Variants in FERMT3 observed in about 807,000 individuals in gnomAD.
The protein encoded by FERMT3 is fermitin family homolog 3.
Under a neutral mutation model 80.8 loss-of-function variants are expected in FERMT3, and 33 were observed. The ratio of observed to expected loss-of-function variants is 0.41; its 90% CI spans 0.31 to 0.55. The LOEUF (loss-of-function observed/expected upper bound fraction) is 0.55, where lower values mean the gene tolerates loss of function less well. Among genes scored for constraint, FERMT3 ranks in the 20% least tolerant of loss-of-function variants. The probability of loss-of-function intolerance (pLI) is 0.31; values close to 1 mark genes in which losing one functional copy is unlikely to be tolerated. For missense variants in FERMT3, 754 were observed against 908.7 expected (o/e 0.83, Z 2.19); for synonymous variants, 375 against 372.2 (o/e 1.01, Z -0.09).
Position 64,211,689 on chromosome 11 carries a change from C to T in FERMT3, c.728C>T (p.Ala243Val), listed in dbSNP as rs1402606308. ...TGTCTCATGCAGCAGGGCATCAAGG[C>T]CGGGGACGCACTCTGGCTGCGCTTC... Reference protein sequence around the residue: ...SRCLMQQGIKAGDALWLRFKY... With the variant: ...SRCLMQQGIKVGDALWLRFKY... The change falls in exon 6 of 15, where the codon GCC becomes GTC. Residue 243 changes from alanine (A) to valine (V), a missense_variant. By Grantham distance (64) the Ala-to-Val change is moderately conservative. Coordinates refer to ENST00000345728, the MANE Select transcript of FERMT3 (RefSeq NM_031471.6). This position sits in a 1 kb window ranked among gnomAD's most constrained non-coding sequence, Gnocchi z 4.7. 1 of 1,614,168 alleles carries T rather than the reference C, an allele frequency of 6.2e-7. No individual in the cohort carries two copies. The highest frequency in any genetic ancestry group is 1.7e-5 in the Admixed American group (1 of 60,024).
rs1471060293 is a variant in FERMT3, at chr11:64,223,872, T to C, written c.*380T>C. The C allele has an allele frequency of 6.4e-7, 1 of 1,569,318 alleles. No individual in the cohort carries two copies. The highest frequency in any genetic ancestry group is 8.7e-7 in the Non-Finnish European group (1 of 1,155,510). ...TTAAAATTTCTTTTTTATAAATTAATATTTTATTGTTGGATCCTCCTCCTT... is the reference window on the plus strand; with the variant it reads ...TTAAAATTTCTTTTTTATAAATTAACATTTTATTGTTGGATCCTCCTCCTT... On this transcript the variant is annotated 3_prime_UTR_variant, in exon 15 of 15. Coordinates refer to ENST00000345728, the MANE Select transcript of FERMT3 (RefSeq NM_031471.6).
intron 6 of FERMT3, among the ~76,000 whole-genome samples, chr11:64,213,125 G>A (rs972319719): frequency 6.6e-6 from 1 of 151,110 alleles, no homozygotes; most frequent in Non-Finnish European, 1.5e-5. Flanking sequence ...GTGCAATCTC[G>A]GCTCACTGCA....
At chr11:64,213,723 T>A (rs973376621) in intron 6 of FERMT3, among the ~76,000 whole-genome samples, 3 of 149,742 alleles carry the variant, frequency 2.0e-5, no homozygotes, top group African/African-American at 7.4e-5. Context: ...CATGCCCAGC[T>A]AATTTTGTAT....
rs751695385 is a variant in FERMT3 at position 64,211,065 on chromosome 11, C to T, written c.408C>T (p.Pro136=). Residue 136 remains proline (P), a synonymous_variant, in exon 4 of 15, where the codon CCC becomes CCT. Transcript: ENST00000345728. The surrounding 1 kb of genome is among the most constrained non-coding windows in gnomAD (Gnocchi z 4.7). ...AICRLLSIRH[P]EELSLLRAPE... is the part of the protein sequence containing the mutation. ...AGCTCCCCTCAGGCATCCGGCACCC[C>T]GAGGAGCTGTCCCTGCTCCGGGCTC... is the stretch of plus-strand genomic sequence containing the variant. The T allele has an allele frequency of 7.5e-6, 12 of 1,595,296 alleles. No individual in the cohort carries two copies. In the Admixed American group the frequency reaches 8.7e-5, roughly 12 times the overall value.
rs1260568228 is a variant in FERMT3 at position 64,210,690 on chromosome 11, G to A, written c.240G>A (p.Leu80=). ...GGCTGCTGCAGACCCACTGGACACT[G>A]GACAAGTACGGGATCCTGGCCGACG... ...RQWLLQTHWT[L]DKYGILADAR... is the part of the protein sequence containing the mutation. Residue 80 remains leucine, a synonymous_variant, in exon 3 of 15, where the codon CTG becomes CTA. Transcript: ENST00000345728. This position sits in a 1 kb window ranked among gnomAD's most constrained non-coding sequence, Gnocchi z 4.3. 6.2e-7 allele frequency: 1 copy of A among 1,614,034 alleles called. No homozygotes were observed. Among genetic ancestry groups the A allele is most frequent in the Non-Finnish European group, 8.5e-7 (1 of 1,180,020 alleles).
chr11:64,209,986 C>T (rs185846643), intron 2 of FERMT3, among the ~76,000 whole-genome samples: 115 of 152,302 alleles, frequency 7.6e-4, no homozygotes, highest in African/African-American at 2.6e-3. Context: ...ACTCATGGAT[C>T]GTCATGTGCG....
chr11:64,221,239 G>A, intron 13 of FERMT3, 99 bp downstream of exon 13: 2 of 1,259,484 alleles, frequency 1.6e-6, no homozygotes, highest in East Asian at 4.7e-5. Flanking sequence ...TTCTGGACAG[G>A]CACCCCAAAG....
chr11:64,210,474 C>T lies in FERMT3; in HGVS notation c.161-137C>T. The T allele has an allele frequency of 1.2e-6, 1 of 859,946 alleles. No homozygotes were observed. Among genetic ancestry groups the T allele is most frequent in the Non-Finnish European group, 1.9e-6 (1 of 529,796 alleles). 53.3% of individuals were successfully genotyped at this position (859,946 alleles called of 1,614,324 possible). A position where few individuals can be genotyped will look rare whatever the true frequency, so the allele number is the denominator to read the frequency against. The stretch of plus-strand genomic sequence containing the variant: ...TGTTACCATGGGGTAGACCCCAGGC[C>T]CGCCCAGGCTGCCCCACTCTTGGCT... On this transcript the variant is annotated intron_variant, in intron 2 of 14. Transcript: ENST00000345728. This position sits in a 1 kb window ranked among gnomAD's most constrained non-coding sequence, Gnocchi z 4.3.
intron 12 of FERMT3, 134 bp downstream of exon 12, chr11:64,220,803 C>T (rs1223346650): frequency 7.2e-6 from 9 of 1,250,328 alleles, no homozygotes; most frequent in South Asian, 3.8e-5. Flanking sequence ...TGAGATTGTG[C>T]GGCTGGTACC....
chr11:64,221,947 A>G (rs1457399777), intron 13 of FERMT3, among the ~76,000 whole-genome samples: 2 of 148,140 alleles, frequency 1.4e-5, no homozygotes, highest in African/African-American at 2.5e-5. Flanking sequence ...AACAAAACAA[A>G]AAACAAATAG....
intron 6 of FERMT3, among the ~76,000 whole-genome samples, chr11:64,217,729 T>C (rs1845168406): frequency 6.6e-6 from 1 of 152,170 alleles, no homozygotes; most frequent in South Asian, 2.1e-4. Context: ...CCTGCTTTTT[T>C]TCTTGGACTT....
chr11:64,217,173 A>C (rs1298818062), intron 6 of FERMT3, among the ~76,000 whole-genome samples: 1 of 152,096 alleles, frequency 6.6e-6, no homozygotes, highest in Non-Finnish European at 1.5e-5. Flanking sequence ...TCAACTGGAG[A>C]TAGAAGGCTT....
Position 64,207,555 on chromosome 11 carries a change from G to A in FERMT3, c.160+31G>A, listed in dbSNP as rs560752986. On this transcript the variant is annotated intron_variant, in intron 2 of 14. Coordinates refer to ENST00000345728, the MANE Select transcript of FERMT3 (RefSeq NM_031471.6). ...TGTCCGCTGCCCGCTTGCTGAACTCGGCACCATGGGCGGCCGCCACGGGTG... is the reference window on the plus strand; with the variant it reads ...TGTCCGCTGCCCGCTTGCTGAACTCAGCACCATGGGCGGCCGCCACGGGTG... 1.2e-4 allele frequency: 194 copies of A among 1,578,034 alleles called. No homozygotes were observed. In the East Asian group the frequency reaches 3.3e-3, roughly 27 times the overall value.
rs564067251 is a variant in FERMT3, at chr11:64,223,860, T to C, written c.*368T>C. 4.6e-6 allele frequency: 7 copies of C among 1,522,090 alleles called. No individual in the cohort carries two copies. The African/African-American group carries it at 9.9e-5, about 22-fold the overall frequency. 94.3% of individuals were successfully genotyped at this position (1,522,090 alleles called of 1,614,324 possible). ...TCTTGTTACTTTTTAAAATTTCTTTTTTATAAATTAATATTTTATTGTTGG... is the reference window on the plus strand; with the variant it reads ...TCTTGTTACTTTTTAAAATTTCTTTCTTATAAATTAATATTTTATTGTTGG... On this transcript the variant is annotated 3_prime_UTR_variant, in exon 15 of 15. Transcript: ENST00000345728.
At chr11:64,217,830 C>T (rs951796536) in intron 6 of FERMT3, among the ~76,000 whole-genome samples, 6 of 152,154 alleles carry the variant, frequency 3.9e-5, no homozygotes, top group Non-Finnish European at 7.4e-5. Context: ...AAACTGGATG[C>T]CTCTGTTGAG....
Position 64,211,072 on chromosome 11 carries a change from C to T in FERMT3, c.415C>T (p.Leu139=). The T allele has an allele frequency of 6.3e-7, 1 of 1,592,884 alleles. No individual in the cohort carries two copies. Among genetic ancestry groups the T allele is most frequent in the Non-Finnish European group, 8.5e-7 (1 of 1,169,722 alleles). ...CTCAGGCATCCGGCACCCCGAGGAG[C>T]TGTCCCTGCTCCGGGCTCCTGAGAA... ...RLLSIRHPEE[L]SLLRAPEKKE... The change falls in exon 4 of 15, where the codon CTG becomes TTG. Residue 139 remains leucine, a synonymous_variant. Transcript: ENST00000345728. The surrounding 1 kb of genome is among the most constrained non-coding windows in gnomAD (Gnocchi z 4.7).
In FERMT3 at chr11:64,211,421, G is replaced by C; in HGVS notation, c.661G>C (p.Asp221His). The C allele has an allele frequency of 6.3e-7, 1 of 1,598,818 alleles. No homozygotes were observed. The highest frequency in any genetic ancestry group is 8.5e-7 in the Non-Finnish European group (1 of 1,174,828). ...QRLPRPSSLSDKTQLHSRWLD... is the reference protein window; with the variant it reads ...QRLPRPSSLSHKTQLHSRWLD... Reference sequence around the variant, plus strand: ...TCTGCCACGGCCCAGCTCCCTGTCAGACAAGACCCAGCTCCACAGCAGGTG... The same window carrying C: ...TCTGCCACGGCCCAGCTCCCTGTCACACAAGACCCAGCTCCACAGCAGGTG... The change falls in exon 5 of 15, where the codon GAC becomes CAC. Residue 221 changes from aspartate to histidine, a missense_variant. Asp to His is a moderately conservative substitution (Grantham distance 81). Transcript: ENST00000345728. The surrounding 1 kb of genome is among the most constrained non-coding windows in gnomAD (Gnocchi z 4.7).
At chr11:64,218,865 T>C (rs77992900) in intron 6 of FERMT3, among the ~76,000 whole-genome samples, 317 of 152,220 alleles carry the variant, frequency 2.1e-3, no homozygotes, top group African/African-American at 6.7e-3. Context: ...GTCATCTCCA[T>C]TGAACTTGGG....
Position 64,219,297 on chromosome 11 carries a change from A to G in FERMT3, c.833A>G (p.Asp278Gly), listed in dbSNP as rs1364481163. 6.2e-7 allele frequency: 1 copy of G among 1,608,920 alleles called. No individual in the cohort carries two copies. The highest frequency in any genetic ancestry group is 1.3e-5 in the African/African-American group (1 of 74,740). ...LTQLYEQARW[D>G]LLLEEIDCTE... Reference sequence around the variant, plus strand: ...CAGCTGTATGAGCAGGCCCGGTGGGACCTGCTGCTGGAGGAGATTGACTGC... The same window carrying G: ...CAGCTGTATGAGCAGGCCCGGTGGGGCCTGCTGCTGGAGGAGATTGACTGC... Residue 278 changes from aspartate to glycine, a missense_variant, in exon 7 of 15, where the codon GAC (aspartate) becomes GGC (glycine). Transcript: ENST00000345728. The surrounding 1 kb of genome is among the most constrained non-coding windows in gnomAD (Gnocchi z 4.0).
Sources: gnomAD v4.1 joint callset for allele counts (sites outside exome capture counted in the v4.1 genomes callset) on GRCh38, gnomAD v4.1.1 for gene constraint, Gnocchi (gnomAD v3.1) non-coding constraint, MANE v1.5 for transcripts, NCBI Gene and HGNC (gene_info 2026-07-23, HGNC 2026-07-21) for gene names.